The following SLC5A4 variants were observed in gnomAD, a reference collection of about 807,000 sequenced individuals.
SLC5A4 encodes the protein solute carrier family 5 member 4.
Under a neutral mutation model 70.3 loss-of-function variants are expected in SLC5A4, and 55 were observed. The ratio of observed to expected loss-of-function variants is 0.78; its 90% confidence interval spans 0.63 to 0.98. The LOEUF is 0.98. Among genes scored for constraint, SLC5A4 ranks in the 50% least tolerant of loss-of-function variants. The pLI, the probability that SLC5A4 is intolerant of heterozygous loss-of-function variation, is 0.00. For synonymous variants in SLC5A4, 268 were observed against 305.7 expected, an observed-to-expected ratio of 0.88 and a Z score of 1.29; for missense variants, 735 against 839.2, an observed-to-expected ratio of 0.88 and a Z score of 1.53.
At chr22:32,222,819 C>T (rs1925160697) in intron 13 of SLC5A4, among the ~76,000 whole-genome samples, 1 of 152,080 alleles carries the variant, frequency 6.6e-6, no homozygotes, top group African/African-American at 2.4e-5. Flanking sequence ...TACATAAAAG[C>T]TACACATGTT....
At chr22:32,294,515 A>G in the SLC5A4 span, among the ~76,000 whole-genome samples, 1 of 152,104 alleles carries the variant, frequency 6.6e-6, no homozygotes, top group Non-Finnish European at 1.5e-5. Context: ...TTCCATCACA[A>G]GGATCCCTCC....
At chr22:32,329,135 G>A in the SLC5A4 span, among the ~76,000 whole-genome samples, 5 of 152,182 alleles carry the variant, frequency 3.3e-5, no homozygotes, top group Non-Finnish European at 7.3e-5. Context: ...CCCCTTTTCT[G>A]CTTTTTTCTG....
At chr22:32,240,022 C>CAAAAAAAAA (rs35616277) in intron 5 of SLC5A4, among the ~76,000 whole-genome samples, 1 of 74,102 alleles carries the variant, frequency 1.3e-5, no homozygotes, top group Non-Finnish European at 2.5e-5. Context: ...GACTCCATCT[C>CAAAAAAAAA]AAAAAAAAAA....
intron 13 of SLC5A4, among the ~76,000 whole-genome samples, chr22:32,223,558 C>T (rs1053815910): frequency 3.9e-5 from 6 of 152,020 alleles, no homozygotes; most frequent in Non-Finnish European, 5.9e-5. Flanking sequence ...TGTACTTTCC[C>T]CCCATCTCTG....
the SLC5A4 span, among the ~76,000 whole-genome samples, chr22:32,340,870 C>T: frequency 6.6e-6 from 1 of 152,132 alleles, no homozygotes; most frequent in East Asian, 1.9e-4. Flanking sequence ...AAAAGATCGC[C>T]CTGCCACTGT....
At chr22:32,318,229 T>C in the SLC5A4 span, among the ~76,000 whole-genome samples, 1 of 149,736 alleles carries the variant, frequency 6.7e-6, no homozygotes, top group African/African-American at 2.5e-5. Flanking sequence ...CAGCATATGT[T>C]GATTTTTTTT....
chr22:32,278,065 T>C, the SLC5A4 span, among the ~76,000 whole-genome samples: 1 of 152,150 alleles, frequency 6.6e-6, no homozygotes. Context: ...TCATCTCTTA[T>C]ATGGGACTAC....
At chr22:32,308,028 T>A in the SLC5A4 span, among the ~76,000 whole-genome samples, 2 of 152,198 alleles carry the variant, frequency 1.3e-5, no homozygotes, top group Admixed American at 1.3e-4. Flanking sequence ...TGATAAGACA[T>A]GTTCCCAGTA....
chr22:32,328,368 T>C, the SLC5A4 span, among the ~76,000 whole-genome samples: 70,409 of 151,818 alleles, frequency 0.46, 16,766 homozygotes, highest in East Asian at 0.65. Context: ...AACAAATGGA[T>C]AGAATAGAAG....
the SLC5A4 span, among the ~76,000 whole-genome samples, chr22:32,348,956 C>A: frequency 4.8e-4 from 73 of 152,248 alleles, no homozygotes; most frequent in African/African-American, 1.7e-3. Flanking sequence ...CTTAAAATTT[C>A]TAAGTTTAGA....
the SLC5A4 span, among the ~76,000 whole-genome samples, chr22:32,350,188 C>G: frequency 6.6e-6 from 1 of 152,128 alleles, no homozygotes; most frequent in East Asian, 1.9e-4. Context: ...ATGTGGCCAT[C>G]AAGAGTGACA....
chr22:32,305,503 G>A, the SLC5A4 span, among the ~76,000 whole-genome samples: 5 of 148,826 alleles, frequency 3.4e-5, no homozygotes, highest in Admixed American at 3.5e-4. Context: ...ATTGCCTGGG[G>A]GTGCCAGCAG....
chr22:32,232,659 CG>C (rs1321487363), intron 9 of SLC5A4, among the ~76,000 whole-genome samples: 1 of 152,038 alleles, frequency 6.6e-6, no homozygotes, highest in East Asian at 1.9e-4. Context: ...CTCATGAAGA[CG>C]GAACTCACAG....
At chr22:32,290,252 C>A in the SLC5A4 span, among the ~76,000 whole-genome samples, 1 of 152,080 alleles carries the variant, frequency 6.6e-6, no homozygotes, top group East Asian at 1.9e-4. Flanking sequence ...CTCCCCTTGC[C>A]CCCATCCCCT....
the SLC5A4 span, among the ~76,000 whole-genome samples, chr22:32,291,627 G>T: frequency 2.0e-5 from 3 of 151,982 alleles, no homozygotes; most frequent in Non-Finnish European, 4.4e-5. Context: ...GATGTTCTTT[G>T]ATTTCTTTAC....
the SLC5A4 span, among the ~76,000 whole-genome samples, chr22:32,308,451 C>A: frequency 6.8e-6 from 1 of 148,122 alleles, no homozygotes; most frequent in Non-Finnish European, 1.5e-5. Flanking sequence ...ACCTGGACAG[C>A]GGCCTGTGGG....
intron 14 of SLC5A4, among the ~76,000 whole-genome samples, chr22:32,219,416 C>G (rs1290232376): frequency 6.6e-6 from 1 of 151,756 alleles, no homozygotes; most frequent in Non-Finnish European, 1.5e-5. Context: ...TACTTCTAAA[C>G]TCAAATGTTT....
At chr22:32,341,455 T>TC in the SLC5A4 span, among the ~76,000 whole-genome samples, 10 of 152,272 alleles carry the variant, frequency 6.6e-5, no homozygotes, top group South Asian at 2.1e-3. Flanking sequence ...GGATGACCTT[T>TC]CCCCACTTTG....
chr22:32,224,046 G>C (rs1379437336), intron 13 of SLC5A4, among the ~76,000 whole-genome samples: 1 of 151,764 alleles, frequency 6.6e-6, no homozygotes, highest in Non-Finnish European at 1.5e-5. Flanking sequence ...TCAGCCTCCC[G>C]AGCAGCTGGG....
Sources: allele counts gnomAD v4.1 joint callset (sites outside exome capture counted in the v4.1 genomes callset), GRCh38; gene constraint gnomAD v4.1.1; transcripts MANE v1.5; gene names NCBI Gene and HGNC (gene_info 2026-07-23, HGNC 2026-07-21).